HCN1: variants seen among roughly 807,000 people sequenced by gnomAD.
HCN1 encodes potassium/sodium hyperpolarization-activated cyclic nucleotide-gated channel 1.
In HCN1, 13 loss-of-function variants were observed where a neutral mutation model predicts 78.9. That is an observed-to-expected ratio of 0.16 (90% CI 0.11 to 0.26). The LOEUF (loss-of-function observed/expected upper bound fraction) is 0.26. Among genes scored for constraint, HCN1 ranks in the 10% least tolerant of loss-of-function variants. HCN1 has a pLI of 1.00. For synonymous variants in HCN1, 552 were observed against 455.5 expected, an observed-to-expected ratio of 1.21 and a Z score of -2.70; for missense variants, 810 against 1,154.3, an observed-to-expected ratio of 0.70 and a Z score of 4.32.
At chr5:45,375,947 T>C (rs1747637852) in intron 4 of HCN1, among the ~76,000 whole-genome samples, 1 of 119,502 alleles carries the variant, frequency 8.4e-6, no homozygotes, top group Non-Finnish European at 1.6e-5. Flanking sequence ...TTTTATCACA[T>C]ATATTATATA....
At chr5:45,460,283 T>C (rs1470835991) in intron 3 of HCN1, among the ~76,000 whole-genome samples, 1 of 152,134 alleles carries the variant, frequency 6.6e-6, no homozygotes, top group Non-Finnish European at 1.5e-5. Flanking sequence ...CCTTTCCACC[T>C]TCTGCCATGT....
intron 5 of HCN1, among the ~76,000 whole-genome samples, chr5:45,333,709 C>T (rs1312420758): frequency 1.3e-5 from 2 of 151,554 alleles, no homozygotes; most frequent in Non-Finnish European, 3.0e-5. Flanking sequence ...CATATGGATA[C>T]CCAGTTTTTC....
intron 2 of HCN1, among the ~76,000 whole-genome samples, chr5:45,637,158 G>C (rs762276692): frequency 6.6e-6 from 1 of 152,000 alleles, no homozygotes; most frequent in African/African-American, 2.4e-5. Context: ...TTGCCACTTG[G>C]AAGGTCATAT....
chr5:45,583,420 T>C (rs1356150982), intron 2 of HCN1, among the ~76,000 whole-genome samples: 1 of 152,192 alleles, frequency 6.6e-6, no homozygotes, highest in Non-Finnish European at 1.5e-5. Context: ...CTCTCTTTTC[T>C]TCTTTATTAG....
chr5:45,543,395 A>G (rs2111833989), intron 2 of HCN1, among the ~76,000 whole-genome samples: 1 of 152,186 alleles, frequency 6.6e-6, no homozygotes, highest in Non-Finnish European at 1.5e-5. Flanking sequence ...ATGATATACT[A>G]TGACTTGCTT....
intron 3 of HCN1, among the ~76,000 whole-genome samples, chr5:45,425,097 A>G (rs1740318570): frequency 6.6e-6 from 1 of 152,224 alleles, no homozygotes; most frequent in South Asian, 2.1e-4. Context: ...ACTGACAGCA[A>G]GGGATAAGTG....
chr5:45,583,056 G>A (rs965927449), intron 2 of HCN1, among the ~76,000 whole-genome samples: 1 of 152,076 alleles, frequency 6.6e-6, no homozygotes, highest in Non-Finnish European at 1.5e-5. Flanking sequence ...AGTTAGGGAG[G>A]ATTCCCTCTT....
intron 5 of HCN1, among the ~76,000 whole-genome samples, chr5:45,312,191 T>C (rs955973834): frequency 1.3e-5 from 2 of 152,206 alleles, no homozygotes; most frequent in African/African-American, 4.8e-5. Flanking sequence ...CAATGCCCTC[T>C]TGAGGATGCT....
chr5:45,366,366 A>C lies in HCN1; in HGVS notation c.1231-13120T>G, dbSNP rs548955364. On this transcript the variant is annotated intron_variant, in intron 4 of 7. Transcript: ENST00000303230. ...TATATTCCTAATGTCCTTTTTCCAC[A>C]GCCCCAACAAATTTTTTAAGCTTTT... 7.0e-4 allele frequency among the ~76,000 whole-genome samples: 106 copies of C among 151,910 alleles called. 1 individual carries two copies. Among genetic ancestry groups the C allele is most frequent in the Admixed American group, 1.3e-3 (19 of 15,168 alleles).
intron 1 of HCN1, among the ~76,000 whole-genome samples, chr5:45,653,782 G>A (rs1379418040): frequency 6.6e-6 from 1 of 152,036 alleles, no homozygotes; most frequent in Non-Finnish European, 1.5e-5. Context: ...GGTGGGGGGA[G>A]AGGGGACGGA....
chr5:45,654,651 C>T (rs533279276), intron 1 of HCN1, among the ~76,000 whole-genome samples: 1 of 151,980 alleles, frequency 6.6e-6, no homozygotes, highest in Non-Finnish European at 1.5e-5. Flanking sequence ...GTTATCTTAC[C>T]GATAAGATAG....
intron 2 of HCN1, among the ~76,000 whole-genome samples, chr5:45,473,790 T>C (rs1374956776): frequency 6.6e-6 from 1 of 151,834 alleles, no homozygotes; most frequent in East Asian, 1.9e-4. Flanking sequence ...CTACATCTTC[T>C]TCACTTTTTA....
chr5:45,577,732 A>G (rs975896779), intron 2 of HCN1, among the ~76,000 whole-genome samples: 1 of 152,130 alleles, frequency 6.6e-6, no homozygotes, highest in African/African-American at 2.4e-5. Context: ...CTTTTCTGAC[A>G]TTATAAAACT....
At chr5:45,421,103 C>T (rs1182165138) in intron 3 of HCN1, among the ~76,000 whole-genome samples, 4 of 151,830 alleles carry the variant, frequency 2.6e-5, no homozygotes, top group African/African-American at 7.3e-5. Context: ...TGCTCTGTCG[C>T]CCAGGCTGGA....
chr5:45,685,643 C>G (rs188756304), intron 1 of HCN1, among the ~76,000 whole-genome samples: 33 of 151,770 alleles, frequency 2.2e-4, no homozygotes, highest in African/African-American at 8.0e-4. Flanking sequence ...ACACAGGAGG[C>G]AGAGGTTGCG....
chr5:45,694,382 CAAAG>C (rs1412551867), intron 1 of HCN1, among the ~76,000 whole-genome samples: 1 of 152,144 alleles, frequency 6.6e-6, no homozygotes, highest in Non-Finnish European at 1.5e-5. Flanking sequence ...ATAAATATCT[CAAAG>C]AAGGCAAAGA....
intron 3 of HCN1, among the ~76,000 whole-genome samples, chr5:45,448,486 CA>C (rs1740843507): frequency 6.6e-6 from 1 of 152,174 alleles, no homozygotes; most frequent in South Asian, 2.1e-4. Context: ...TACTAAATGC[CA>C]TTAATGTTTC....
At position 45,258,569 on chromosome 5, in the gene HCN1, C is replaced by T. The variant is rs987422319; in HGVS notation, c.*3352G>A. On this transcript the variant is annotated 3_prime_UTR_variant, in exon 8 of 8. Transcript: ENST00000303230. ...CACTACTTATTCTCATTATGATAAACTCTATCTCAGGCTTTTAGGTATCAT... is the reference window on the plus strand; with the variant it reads ...CACTACTTATTCTCATTATGATAAATTCTATCTCAGGCTTTTAGGTATCAT... The T allele has an allele frequency of 1.3e-5, 2 of 152,054 alleles. No individual in the cohort carries two copies. The highest frequency in any genetic ancestry group is 4.8e-5 in the African/African-American group (2 of 41,438). The allele number at this position is 152,054 out of a possible 1,614,324, so 9.4% of individuals were successfully genotyped here.
chr5:45,565,356 A>T (rs892743760), intron 2 of HCN1, among the ~76,000 whole-genome samples: 2 of 152,182 alleles, frequency 1.3e-5, no homozygotes, highest in Non-Finnish European at 2.9e-5. Context: ...GTGGCCTTAA[A>T]ATCCTCCAAC....
Sources: gnomAD v4.1 joint callset for allele counts (sites outside exome capture counted in the v4.1 genomes callset) on GRCh38, gnomAD v4.1.1 for gene constraint, MANE v1.5 for transcripts, NCBI Gene and HGNC (gene_info 2026-07-23, HGNC 2026-07-21) for gene names.